Variants in DPP10 observed in about 807,000 individuals in gnomAD.
DPP10 encodes inactive dipeptidyl peptidase 10.
In DPP10, 33 loss-of-function variants were observed where a neutral mutation model predicts 120.9. The ratio of observed to expected loss-of-function variants is 0.27; its 90% CI spans 0.21 to 0.37. The LOEUF is 0.37. DPP10 is among the 10% of genes least tolerant of loss of function. The pLI, the probability that DPP10 is intolerant of heterozygous loss-of-function variation, is 1.00. For synonymous variants in DPP10, 337 were observed against 326.1 expected (o/e 1.03, Z -0.36); for missense variants, 816 against 942.8 (o/e 0.87, Z 1.76).
At chr2:115,295,812 C>G (rs34168937) in intron 1 of DPP10, among the ~76,000 whole-genome samples, 4 of 151,830 alleles carry the variant, frequency 2.6e-5, no homozygotes, top group African/African-American at 9.7e-5. Flanking sequence ...AAAATTTTCT[C>G]CTGCACTCAA....
intron 1 of DPP10, among the ~76,000 whole-genome samples, chr2:114,793,940 A>T (rs1207423497): frequency 6.6e-6 from 1 of 152,074 alleles, no homozygotes; most frequent in Non-Finnish European, 1.5e-5. Flanking sequence ...TACCTCTTTT[A>T]TGGGTTATTT....
chr2:115,423,111 TA>T (rs1293717098), intron 3 of DPP10, among the ~76,000 whole-genome samples: 3 of 152,068 alleles, frequency 2.0e-5, no homozygotes, highest in Non-Finnish European at 2.9e-5. Flanking sequence ...ATAACATATT[TA>T]ATATATTTAA....
intron 1 of DPP10, among the ~76,000 whole-genome samples, chr2:114,643,147 G>C (rs1032314098): frequency 6.6e-6 from 1 of 151,888 alleles, no homozygotes; most frequent in Admixed American, 6.6e-5. Flanking sequence ...CTTGGGCAGA[G>C]AGAATTGCTT....
chr2:114,657,617 A>C (rs183698502), intron 1 of DPP10, among the ~76,000 whole-genome samples: 16 of 152,298 alleles, frequency 1.1e-4, no homozygotes, highest in Admixed American at 9.8e-4. Context: ...ATCACTAAAC[A>C]TATTTGTTTT....
chr2:114,473,167 C>A (rs1021790040), intron 1 of DPP10, among the ~76,000 whole-genome samples: 11 of 152,258 alleles, frequency 7.2e-5, no homozygotes, highest in Middle Eastern at 3.4e-3. Context: ...ACATATATAG[C>A]CCCAATCTTC....
chr2:114,925,661 T>C (rs951188297), intron 1 of DPP10, among the ~76,000 whole-genome samples: 1 of 152,150 alleles, frequency 6.6e-6, no homozygotes, highest in African/African-American at 2.4e-5. Context: ...AAAGTCAACT[T>C]GGAATCACAT....
chr2:114,545,447 G>A (rs1426008441), intron 1 of DPP10, among the ~76,000 whole-genome samples: 1 of 152,114 alleles, frequency 6.6e-6, no homozygotes, highest in African/African-American at 2.4e-5. Flanking sequence ...GAATGAACAA[G>A]GTTACCCCAG....
At chr2:115,628,397 C>G (rs1468950493) in intron 5 of DPP10, among the ~76,000 whole-genome samples, 1 of 151,890 alleles carries the variant, frequency 6.6e-6, no homozygotes, top group Middle Eastern at 3.2e-3. Flanking sequence ...AATTTAAGTT[C>G]CTTGTAAATT....
intron 1 of DPP10, among the ~76,000 whole-genome samples, chr2:115,222,222 AC>A (rs1283045692): frequency 2.6e-5 from 4 of 152,146 alleles, no homozygotes; most frequent in Non-Finnish European, 5.9e-5. Context: ...ACCCAAAGGT[AC>A]TAAAATAGGG....
intron 5 of DPP10, among the ~76,000 whole-genome samples, chr2:115,547,203 C>T (rs1241202855): frequency 6.6e-6 from 1 of 152,130 alleles, no homozygotes; most frequent in Non-Finnish European, 1.5e-5. Flanking sequence ...GGTCATTCTT[C>T]ATCTTTCACT....
intron 4 of DPP10, among the ~76,000 whole-genome samples, chr2:115,518,916 A>T (rs2077648172): frequency 6.6e-6 from 1 of 152,070 alleles, no homozygotes; most frequent in Admixed American, 6.6e-5. Context: ...ACCATTTAAA[A>T]ATATATATAT....
intron 1 of DPP10, among the ~76,000 whole-genome samples, chr2:115,290,909 A>G (rs1336465891): frequency 6.6e-6 from 1 of 152,148 alleles, no homozygotes; most frequent in Non-Finnish European, 1.5e-5. Context: ...CTCTGAGGCA[A>G]GGTAATCCCT....
intron 5 of DPP10, among the ~76,000 whole-genome samples, chr2:115,586,666 G>A (rs1281373613): frequency 1.3e-5 from 2 of 152,068 alleles, no homozygotes; most frequent in African/African-American, 4.8e-5. Context: ...TCAGTGTGAT[G>A]CTTTTTGTTT....
chr2:114,769,094 A>G (rs1574144317), intron 1 of DPP10, among the ~76,000 whole-genome samples: 1 of 152,188 alleles, frequency 6.6e-6, no homozygotes, highest in Non-Finnish European at 1.5e-5. Flanking sequence ...CATTGACAGC[A>G]TAAATCTAGA....
chr2:114,746,723 T>C (rs759389586), intron 1 of DPP10, among the ~76,000 whole-genome samples: 5 of 152,176 alleles, frequency 3.3e-5, no homozygotes, highest in Non-Finnish European at 7.4e-5. Context: ...AGGAAACAGA[T>C]TGTTGTTTAG....
intron 1 of DPP10, among the ~76,000 whole-genome samples, chr2:114,819,004 C>T (rs1034627831): frequency 2.0e-5 from 3 of 152,074 alleles, no homozygotes; most frequent in African/African-American, 7.2e-5. Context: ...CTTAGTGATA[C>T]GTTACCTAAC....
At chr2:115,081,546 A>G (rs1345217872) in intron 1 of DPP10, among the ~76,000 whole-genome samples, 1 of 152,136 alleles carries the variant, frequency 6.6e-6, no homozygotes, top group Non-Finnish European at 1.5e-5. Flanking sequence ...CTTTCAGTGT[A>G]GTTGTTTTAT....
intron 2 of DPP10, among the ~76,000 whole-genome samples, chr2:115,326,007 G>A (rs1235204296): frequency 6.6e-6 from 1 of 152,120 alleles, no homozygotes; most frequent in East Asian, 1.9e-4. Flanking sequence ...TAATTGCAGT[G>A]TAAAATCTGA....
chr2:114,462,164 C>G (rs571323325), intron 1 of DPP10: 2 of 984,640 alleles, frequency 2.0e-6, no homozygotes, highest in South Asian at 9.4e-5. Flanking sequence ...TTAAAAAATA[C>G]ACATTAAAGT....
Sources: allele counts gnomAD v4.1 joint callset (sites outside exome capture counted in the v4.1 genomes callset), GRCh38; gene constraint gnomAD v4.1.1; transcripts MANE v1.5; gene names NCBI Gene and HGNC (gene_info 2026-07-23, HGNC 2026-07-21).